NOA1: variants seen among roughly 807,000 people sequenced by gnomAD.
The protein encoded by NOA1 is nitric oxide-associated protein 1.
NOA1 carries 35 observed loss-of-function variants against 58.4 expected under a neutral mutation model. The ratio of observed to expected loss-of-function variants is 0.60; its 90% confidence interval spans 0.46 to 0.79. The LOEUF is 0.79. Ranked by LOEUF, NOA1 falls within the 30% of genes least tolerant of loss-of-function variation. The probability of loss-of-function intolerance (pLI) is 0.00; values close to 1 mark genes in which losing one functional copy is unlikely to be tolerated. For missense variants in NOA1, 895 were observed against 894.6 expected, an observed-to-expected ratio of 1.00 and a Z score of -0.01; for synonymous variants, 397 against 373.4, an observed-to-expected ratio of 1.06 and a Z score of -0.73.
rs1721924622 is a variant in NOA1 at position 56,976,483 on chromosome 4, C to T, written c.1103G>A (p.Gly368Asp). ...LLESDYCTAK[G>D]SEAIDRATIS... ...GGTGGCTCTGTCGATGGCCTCGGAG[C>T]CCTTGGCAGTGCAGTAATCGGACTC... The change falls in exon 1 of 7, where the codon GGC (glycine) becomes GAC (aspartate). Residue 368 changes from glycine to aspartate, a missense_variant. Gly to Asp is a moderately conservative substitution (Grantham distance 94, BLOSUM62 -1). Around this residue, in one of 3 missense-constraint regions of NOA1, gnomAD observed 680 missense variants for 656.5 expected, o/e 1.04. Coordinates refer to ENST00000264230, the MANE Select transcript of NOA1 (RefSeq NM_032313.4). The T allele has an allele frequency of 2.5e-6, 4 of 1,614,174 alleles. No individual in the cohort carries two copies. The East Asian group carries it at 6.7e-5, about 27-fold the overall frequency.
chr4:56,964,062 T>C (rs1474182806), intron 6 of NOA1, among the ~76,000 whole-genome samples: 1 of 152,090 alleles, frequency 6.6e-6, no homozygotes, highest in Non-Finnish European at 1.5e-5. Flanking sequence ...GGCTGCTTTA[T>C]TCACTTTTTG....
rs758047720 is a variant in NOA1, at chr4:56,973,179, T to C, written c.1484A>G (p.Tyr495Cys). The C allele has an allele frequency of 3.7e-6, 6 of 1,614,010 alleles. No individual in the cohort carries two copies. The African/African-American group carries it at 5.3e-5, about 14-fold the overall frequency. The part of the protein sequence containing the change: ...AQDVKDAHWF[Y>C]DTPGITKENC... ...TTCTTTTGTAATTCCAGGGGTGTCA[T>C]AAAACCAGTGGGCATCTTTCACATC... Residue 495 changes from tyrosine (Y) to cysteine (C), a missense_variant, in exon 3 of 7, where the codon TAT becomes TGT. Coordinates refer to ENST00000264230, the MANE Select transcript of NOA1 (RefSeq NM_032313.4).
rs201251612 is a variant in NOA1 at position 56,968,406 on chromosome 4, A to G, written c.1625T>C (p.Ile542Thr). Reference protein sequence around the residue: ...KPGMVLFLGAIGRIDFLQGNQ... With the variant: ...KPGMVLFLGATGRIDFLQGNQ... ...TACCTGCAGGAAATCTATGCGGCCT[A>G]TAGCACCCAAAAACAGAACCATTCC... The change falls in exon 4 of 7, where the codon ATA becomes ACA. Residue 542 changes from isoleucine to threonine, a missense_variant. Ile to Thr is a moderately conservative substitution (Grantham distance 89, BLOSUM62 -1). Around this residue, in one of 3 missense-constraint regions of NOA1, gnomAD observed 212 missense variants for 221.3 expected, o/e 0.96. Coordinates refer to ENST00000264230, the MANE Select transcript of NOA1 (RefSeq NM_032313.4). 1.9e-6 allele frequency: 3 copies of G among 1,612,854 alleles called. No individual in the cohort carries two copies. In the Admixed American group the frequency reaches 5.0e-5, roughly 27 times the overall value.
rs991933799 is a variant in NOA1 at position 56,977,190 on chromosome 4, C to T, written c.396G>A (p.Pro132=). The T allele has an allele frequency of 7.7e-6, 12 of 1,565,808 alleles. No individual in the cohort carries two copies. Among genetic ancestry groups the T allele is most frequent in the Non-Finnish European group, 1.0e-5 (12 of 1,159,090 alleles). The change falls in exon 1 of 7, where the codon CCG becomes CCA. Residue 132 remains proline, a synonymous_variant. Transcript: ENST00000264230. ...REHPVVGHPD[P]ALPPSGVNCS... Reference sequence around the variant, plus strand: ...AGTTCACGCCGCTGGGCGGCAATGCCGGGTCCGGGTGCCCCACGACCGGGT... The same window carrying T: ...AGTTCACGCCGCTGGGCGGCAATGCTGGGTCCGGGTGCCCCACGACCGGGT...
intron 1 of NOA1, 52 bp from the exon 2 acceptor site, chr4:56,974,074 A>ATTGTTT: frequency 8.7e-7 from 1 of 1,151,438 alleles, no homozygotes; most frequent in Non-Finnish European, 1.2e-6. Flanking sequence ...AGGGGGAAGA[A>ATTGTTT]AATGAACATT....
chr4:56,974,555 G>T (rs931205506), intron 1 of NOA1, among the ~76,000 whole-genome samples: 1 of 151,892 alleles, frequency 6.6e-6, no homozygotes, highest in Non-Finnish European at 1.5e-5. Flanking sequence ...GGGAGGCTGA[G>T]GCAGGAGAAT....
rs1425441975 is a variant in NOA1 at position 56,976,655 on chromosome 4, T to C, written c.931A>G (p.Arg311Gly). The C allele has an allele frequency of 6.2e-7, 1 of 1,614,144 alleles. No individual in the cohort carries two copies. The highest frequency in any genetic ancestry group is 8.5e-7 in the Non-Finnish European group (1 of 1,179,986). ...TTGGCGCTGATCAGCCGCACGTCCC[T>C]GACCACTGTGCGGGACCAGTTCGGC... is the stretch of plus-strand genomic sequence containing the variant. ...NPPNWSRTVV[R>G]DVRLISAKTG... Residue 311 changes from arginine (R) to glycine (G), a missense_variant, in exon 1 of 7, where the codon AGG (arginine) becomes GGG (glycine). Physicochemically the swap from Arg to Gly is moderately radical, Grantham distance 125 (BLOSUM62 -2). Coordinates refer to ENST00000264230, the MANE Select transcript of NOA1 (RefSeq NM_032313.4).
At chr4:56,970,757 C>A (rs1284685913) in intron 3 of NOA1, among the ~76,000 whole-genome samples, 2 of 152,108 alleles carry the variant, frequency 1.3e-5, no homozygotes, top group African/African-American at 4.8e-5. Context: ...GCACTGTGCA[C>A]AGCCTGAGTC....
chr4:56,966,887 A>G (rs1721721430), intron 4 of NOA1, 151 bp from the exon 5 acceptor site: 4 of 616,178 alleles, frequency 6.5e-6, no homozygotes, highest in Non-Finnish European at 1.2e-5. Context: ...CTGTAAATCA[A>G]ATTATTACTA....
Position 56,976,827 on chromosome 4 carries a change from C to T in NOA1, c.759G>A (p.Leu253=). The T allele has an allele frequency of 6.2e-7, 1 of 1,612,582 alleles. No individual in the cohort carries two copies. The highest frequency in any genetic ancestry group is 8.5e-7 in the Non-Finnish European group (1 of 1,179,436). ...LIVLGNKVDL[L]PQDAPGYRQR... ...GCCGGTAGCCAGGAGCATCCTGGGG[C>T]AGGAGGTCCACTTTGTTTCCCAGCA... Residue 253 remains leucine (L), a synonymous_variant, in exon 1 of 7, where the codon CTG becomes CTA. Transcript: ENST00000264230.
chr4:56,966,840 A>G (rs1375102330), intron 4 of NOA1, 104 bp from the exon 5 acceptor site: 2 of 728,302 alleles, frequency 2.7e-6, no homozygotes, highest in African/African-American at 3.5e-5. Flanking sequence ...ACAAAAACCC[A>G]ATCAGACTCC....
chr4:56,965,669 C>A (rs1721688776), intron 5 of NOA1, among the ~76,000 whole-genome samples: 1 of 148,326 alleles, frequency 6.7e-6, no homozygotes, highest in Admixed American at 6.9e-5. Context: ...GTTCGGGGAA[C>A]TATAGCTTAA....
intron 4 of NOA1, among the ~76,000 whole-genome samples, chr4:56,967,329 GTGACTGTA>G: frequency 6.6e-6 from 1 of 151,330 alleles, no homozygotes; most frequent in African/African-American, 2.4e-5. Flanking sequence ...ACAGTGAGCC[GTGACTGTA>G]CCACTGCACT....
rs201450969 is a variant in NOA1, at chr4:56,977,086, G to A, written c.500C>T (p.Thr167Met). 170 of 1,570,100 alleles carry A rather than the reference G, an allele frequency of 1.1e-4. No individual in the cohort carries two copies. In the African/African-American group the frequency reaches 1.6e-3, roughly 15 times the overall value. The change falls in exon 1 of 7, where the codon ACG (threonine) becomes ATG (methionine). Residue 167 changes from threonine (T) to methionine (M), a missense_variant. Thr to Met is a moderately conservative substitution (Grantham distance 81). Coordinates refer to ENST00000264230, the MANE Select transcript of NOA1 (RefSeq NM_032313.4). Reference protein sequence around the residue: ...GYLPREKFLRTAEADGGLART... With the variant: ...GYLPREKFLRMAEADGGLART... ...TGCCAGCCCGCCGTCTGCCTCCGCCGTGCGGAGGAACTTCTCTCGGGGCAG... is the reference window on the plus strand; with the variant it reads ...TGCCAGCCCGCCGTCTGCCTCCGCCATGCGGAGGAACTTCTCTCGGGGCAG...
chr4:56,975,466 ACCAAAG>A (rs1721890206), intron 1 of NOA1, among the ~76,000 whole-genome samples: 1 of 151,634 alleles, frequency 6.6e-6, no homozygotes, highest in South Asian at 2.1e-4. Context: ...CCCTGTCTCT[ACCAAAG>A]ATACAAAAAT....
chr4:56,965,381 C>A (rs888805255), intron 5 of NOA1, among the ~76,000 whole-genome samples: 1 of 152,026 alleles, frequency 6.6e-6, no homozygotes, highest in African/African-American at 2.4e-5. Context: ...ATAGATTTTG[C>A]AGTATGGTTT....
chr4:56,969,778 C>G (rs1721783150), intron 3 of NOA1, among the ~76,000 whole-genome samples: 1 of 151,942 alleles, frequency 6.6e-6, no homozygotes, highest in Non-Finnish European at 1.5e-5. Flanking sequence ...CACTTGAGCT[C>G]AGGAGTTTTT....
In NOA1 at chr4:56,973,950, CTT is replaced by C; in HGVS notation, c.1215_1216del (p.Arg406ThrfsTer2). On this transcript the variant is annotated frameshift_variant, in exon 2 of 7. Transcript: ENST00000264230. LOFTEE classifies it high-confidence loss of function. ...AGCTTGAGTTGAATCTTTTTTAAGT[CTT>C]TGATGCCTTTTAAACATTCTGTAAG... The C allele has an allele frequency of 6.2e-7, 1 of 1,613,972 alleles. No individual in the cohort carries two copies. Among genetic ancestry groups the C allele is most frequent in the African/African-American group, 1.3e-5 (1 of 75,002 alleles).
chr4:56,973,938 T>A lies in NOA1; in HGVS notation c.1229A>T (p.Asp410Val). 6.2e-7 allele frequency: 1 copy of A among 1,614,104 alleles called. No homozygotes were observed. Among genetic ancestry groups the A allele is most frequent in the Non-Finnish European group, 8.5e-7 (1 of 1,179,964 alleles). Residue 410 changes from aspartate (D) to valine (V), a missense_variant, in exon 2 of 7, where the codon GAT becomes GTT. Physicochemically the swap from Asp to Val is radical, Grantham distance 152. This residue lies in a region of NOA1 where 680 missense variants were observed against 656.5 expected (regional missense o/e 1.04). Transcript: ENST00000264230. ...MFKRHQRLKK[D>V]STQAEEDLSE... ...AAGATCTTCTTCAGCTTGAGTTGAA[T>A]CTTTTTTAAGTCTTTGATGCCTTTT...
Sources: allele counts gnomAD v4.1 joint callset (sites outside exome capture counted in the v4.1 genomes callset), GRCh38; gene constraint gnomAD v4.1.1; regional missense constraint gnomAD v4.1.1; transcripts MANE v1.5; gene names NCBI Gene and HGNC (gene_info 2026-07-23, HGNC 2026-07-21).